Variants in CENPK observed in about 807,000 individuals in gnomAD.
CENPK encodes centromere protein K, also known as SoxLZ/Sox6-binding protein Solt.
In CENPK, 46 loss-of-function variants were observed where a neutral mutation model predicts 40.9. The observed-to-expected ratio is 1.13, with a 90% CI of 0.89 to 1.44. The LOEUF is 1.44. Among genes scored for constraint, CENPK ranks in the 40% most tolerant of loss-of-function variants. CENPK has a pLI of 0.00. For missense variants in CENPK, 288 were observed against 303.5 expected (o/e 0.95, Z 0.38); for synonymous variants, 107 against 104.4 (o/e 1.02, Z -0.15).
rs1478769293 is a variant in CENPK at position 65,521,547 on chromosome 5, TAACA to T, written c.598-23_598-20del. On this transcript the variant is annotated intron_variant, in intron 9 of 10. Coordinates refer to ENST00000396679, the MANE Select transcript of CENPK (RefSeq NM_022145.5). ...TGTTTTTCTTCAAGAGAAATGTGAA[TAACA>T]AACAATTACCACTTCACTTCTGCCA... The T allele has an allele frequency of 1.3e-5, 19 of 1,516,252 alleles. No individual in the cohort carries two copies. Among genetic ancestry groups the T allele is most frequent in the Admixed American group, 8.5e-5 (5 of 58,910 alleles). 93.9% of individuals were successfully genotyped at this position (1,516,252 alleles called of 1,614,324 possible). A position where few individuals can be genotyped will look rare whatever the true frequency, so the allele number is the denominator to read the frequency against.
chr5:65,509,739 G>T, the CENPK span, among the ~76,000 whole-genome samples: 2 of 152,160 alleles, frequency 1.3e-5, no homozygotes, highest in Non-Finnish European at 2.9e-5. Flanking sequence ...TGTACAAATG[G>T]AAGGTTTTTG....
chr5:65,498,813 C>T, the CENPK span, among the ~76,000 whole-genome samples: 11 of 151,720 alleles, frequency 7.3e-5, no homozygotes, highest in African/African-American at 2.7e-4. Flanking sequence ...CACGACACCA[C>T]GCCTGGCTAA....
chr5:65,504,047 T>C, the CENPK span, among the ~76,000 whole-genome samples: 1 of 152,060 alleles, frequency 6.6e-6, no homozygotes, highest in Non-Finnish European at 1.5e-5. Flanking sequence ...AACCCTTTGC[T>C]TGCGATCATT....
At chr5:65,515,497 C>T (rs566073689), downstream of CENPK, among the ~76,000 whole-genome samples, 92 of 152,156 alleles carry the variant, frequency 6.0e-4, no homozygotes, top group Admixed American at 3.9e-4. Context: ...ACCACCGCTT[C>T]CAGCCGCATC....
At chr5:65,524,495 C>G (rs1416372754) in intron 9 of CENPK, 1 of 134,012 alleles carries the variant, frequency 7.5e-6, no homozygotes, top group East Asian at 2.2e-4. Context: ...CTAAAAATAC[C>G]AAAAAAAAAA....
intron 9 of CENPK, among the ~76,000 whole-genome samples, chr5:65,522,078 C>T (rs1022798970): frequency 2.0e-5 from 3 of 152,012 alleles, no homozygotes; most frequent in African/African-American, 7.3e-5. Context: ...CTGGAAGATA[C>T]AATTAAAACT....
At chr5:65,509,962 T>C in the CENPK span, among the ~76,000 whole-genome samples, 2 of 152,202 alleles carry the variant, frequency 1.3e-5, no homozygotes, top group African/African-American at 4.8e-5. Flanking sequence ...ATAATAAATG[T>C]TGTGTGTATT....
intron 2 of CENPK, among the ~76,000 whole-genome samples, chr5:65,555,641 C>A (rs1750851104): frequency 6.6e-6 from 1 of 152,100 alleles, no homozygotes. Flanking sequence ...AGATGTAGAC[C>A]AGGATAATAT....
chr5:65,500,976 A>G, the CENPK span, among the ~76,000 whole-genome samples: 10 of 149,810 alleles, frequency 6.7e-5, no homozygotes, highest in African/African-American at 2.0e-4. Flanking sequence ...GGCCATATCT[A>G]TTGTTCTAGC....
At chr5:65,528,419 A>G (rs753538360) in intron 9 of CENPK, 33 bp downstream of exon 9, 1 of 1,558,840 alleles carries the variant, frequency 6.4e-7, no homozygotes, top group Admixed American at 2.2e-5. Context: ...TTCAAATATG[A>G]TAATTTACAT....
chr5:65,551,558 T>C lies in CENPK; in HGVS notation c.241+6A>G. The C allele has an allele frequency of 1.4e-6, 2 of 1,471,110 alleles. No individual in the cohort carries two copies. Among genetic ancestry groups the C allele is most frequent in the South Asian group, 1.2e-5 (1 of 80,048 alleles). The allele number at this position is 1,471,110 out of a possible 1,614,324, so 91.1% of individuals were successfully genotyped here. Reference sequence around the variant, plus strand: ...AAAAAATTCAAATTTAAAATAAGAATCTTACTTTCAGGTGTTTTTTTCTGC... The same window carrying C: ...AAAAAATTCAAATTTAAAATAAGAACCTTACTTTCAGGTGTTTTTTTCTGC... On this transcript the variant is annotated splice_donor_region_variant and intron_variant, in intron 5 of 10. Coordinates refer to ENST00000396679, the MANE Select transcript of CENPK (RefSeq NM_022145.5).
At chr5:65,536,607 AGTAATAACCT>A (rs1305356640) in intron 6 of CENPK, among the ~76,000 whole-genome samples, 1 of 151,796 alleles carries the variant, frequency 6.6e-6, no homozygotes, top group Non-Finnish European at 1.5e-5. Context: ...GGGGCAACAG[AGTAATAACCT>A]GTTTCAAAGA....
Position 65,528,556 on chromosome 5 carries a change from T to C in CENPK, c.493A>G (p.Lys165Glu). Residue 165 changes from lysine (K) to glutamate (E), a missense_variant, in exon 9 of 11, where the codon AAA becomes GAA. Coordinates refer to ENST00000396679, the MANE Select transcript of CENPK (RefSeq NM_022145.5). ...TTATATTCTTTTATATTAAGCATTT[T>C]AGTTTTCAGTTCATTAAAGATTCTA... ...ESRIFNELKT[K>E]MLNIKEYKEK... 2.6e-6 allele frequency: 4 copies of C among 1,562,906 alleles called. No individual in the cohort carries two copies. Among genetic ancestry groups the C allele is most frequent in the Non-Finnish European group, 3.4e-6 (4 of 1,161,182 alleles).
At chr5:65,529,051 T>C in intron 7 of CENPK, 34 bp from the exon 8 acceptor site, 1 of 1,552,262 alleles carries the variant, frequency 6.4e-7, no homozygotes, top group East Asian at 2.2e-5. Flanking sequence ...AAGCAATATC[T>C]AAATAAAACT....
intron 2 of CENPK, chr5:65,561,203 C>A: frequency 8.8e-6 from 2 of 226,892 alleles, no homozygotes; most frequent in South Asian, 5.8e-5. Context: ...CCTGCTATAC[C>A]CATAAGATAC....
At chr5:65,502,827 A>G in the CENPK span, among the ~76,000 whole-genome samples, 1 of 151,814 alleles carries the variant, frequency 6.6e-6, no homozygotes, top group Non-Finnish European at 1.5e-5. Context: ...TTATTTTTTG[A>G]GACAGTCTTG....
the CENPK span, among the ~76,000 whole-genome samples, chr5:65,498,689 T>G: frequency 6.7e-6 from 1 of 149,810 alleles, no homozygotes; most frequent in African/African-American, 2.5e-5. Context: ...AGACAGGGTC[T>G]CACTCCACCC....
rs1308635150 is a variant in CENPK at position 65,521,515 on chromosome 5, T to C, written c.611A>G (p.Glu204Gly). The C allele has an allele frequency of 6.2e-7, 1 of 1,606,402 alleles. No individual in the cohort carries two copies. Among genetic ancestry groups the C allele is most frequent in the Admixed American group, 1.7e-5 (1 of 59,588 alleles). Residue 204 changes from glutamate to glycine, a missense_variant, in exon 10 of 11, where the codon GAA becomes GGA. By Grantham distance (98) the Glu-to-Gly change is moderately conservative (BLOSUM62 -2). Transcript: ENST00000396679. ...SVKKKKKNIQ[E>G]SSVNLITLHE... is the part of the protein sequence containing the mutation. ...CAGTGTTATCAGGTTTACAGATGAT[T>C]CTTGAATGTTTTTCTTCAAGAGAAA...
At chr5:65,516,359 T>G (rs73762017), downstream of CENPK, among the ~76,000 whole-genome samples, 921 of 152,364 alleles carry the variant, frequency 6.0e-3, 8 homozygotes, top group African/African-American at 0.02. Flanking sequence ...CTTCCACTTT[T>G]CTGCCTTCTC....
Sources: gnomAD v4.1 joint callset for allele counts (sites outside exome capture counted in the v4.1 genomes callset) on GRCh38, gnomAD v4.1.1 for gene constraint, MANE v1.5 for transcripts, NCBI Gene and HGNC (gene_info 2026-07-23, HGNC 2026-07-21) for gene names.